Variants in TIAM2 observed in about 807,000 individuals in gnomAD.
TIAM2 encodes the protein TIAM Rac1 associated GEF 2.
A neutral mutation model predicts 152.9 loss-of-function variants in TIAM2; 80 were observed. The ratio of observed to expected loss-of-function variants is 0.52; its 90% CI spans 0.44 to 0.63. The LOEUF (loss-of-function observed/expected upper bound fraction) is 0.63, where lower values mean the gene tolerates loss of function less well. Ranked by LOEUF, TIAM2 falls within the 30% of genes least tolerant of loss-of-function variation. The pLI is 0.00. For missense variants in TIAM2, 1,965 were observed against 2,120.1 expected (o/e 0.93, Z 1.44); for synonymous variants, 804 against 838.0 (o/e 0.96, Z 0.70).
intron 20 of TIAM2, among the ~76,000 whole-genome samples, chr6:155,248,504 G>C (rs3011905): frequency 0.34 from 51,983 of 152,126 alleles, 9,659 homozygotes; most frequent in Middle Eastern, 0.51. Context: ...AAACAGTGCC[G>C]CTGGAACTGA....
chr6:155,244,625 A>G lies in TIAM2; in HGVS notation c.3418-33A>G, dbSNP rs1263034271. The G allele has an allele frequency of 2.5e-6, 4 of 1,608,718 alleles. No individual in the cohort carries two copies. The African/African-American group carries it at 5.4e-5, about 22-fold the overall frequency. ...CGTGGTGTCCTGAACTTCATGGCTA[A>G]TCCCCTCATTTCAAATCCTGATCTT... is the stretch of plus-strand genomic sequence containing the variant. On this transcript the variant is annotated intron_variant, in intron 17 of 26. Coordinates refer to ENST00000682666, the MANE Select transcript of TIAM2 (RefSeq NM_012454.4).
chr6:155,248,095 C>G lies in TIAM2; in HGVS notation c.3748C>G (p.Gln1250Glu). 1.2e-6 allele frequency: 2 copies of G among 1,614,236 alleles called. No homozygotes were observed. The highest frequency in any genetic ancestry group is 8.5e-7 in the Non-Finnish European group (1 of 1,180,050). The change falls in exon 20 of 27, where the codon CAG becomes GAG. Residue 1250 changes from glutamine (Q) to glutamate (E), a missense_variant. Gln to Glu is a conservative substitution (Grantham distance 29, BLOSUM62 2). Coordinates refer to ENST00000682666, the MANE Select transcript of TIAM2 (RefSeq NM_012454.4). The stretch of plus-strand genomic sequence containing the variant: ...GGAGTCCTACCTCATCAAGCCGGTT[C>G]AGAGAGTGCTCAAGTACCCGCTGCT... ...TLESYLIKPVQRVLKYPLLLK... is the reference protein window; with the variant it reads ...TLESYLIKPVERVLKYPLLLK...
In TIAM2 at chr6:155,050,211, T is replaced by C. The variant is rs190695829; in HGVS notation, c.-208-40078T>C. On this transcript the variant is annotated intron_variant, in intron 1 of 26. Transcript: ENST00000682666. Reference sequence around the variant, plus strand: ...CATGCCTGACTAATTTTTGTATTTTTAATAGAGACTGGGTTTCACCATGTT... The same window carrying C: ...CATGCCTGACTAATTTTTGTATTTTCAATAGAGACTGGGTTTCACCATGTT... 2.8e-3 allele frequency among the ~76,000 whole-genome samples: 421 copies of C among 152,340 alleles called. 2 individuals carry two copies. The highest frequency in any genetic ancestry group is 5.1e-3 in the Non-Finnish European group (349 of 68,040).
Position 155,129,756 on chromosome 6 carries a change from A to C in TIAM2, c.533A>C (p.His178Pro), listed in dbSNP as rs1469739970. ...GATGGGTGTTTAAGGGTCGAGTTCC[A>C]CAATGGTGGCAACCCCAGCAAAGTG... Reference protein sequence around the residue: ...KLDGCLRVEFHNGGNPSKVPA... With the variant: ...KLDGCLRVEFPNGGNPSKVPA... Residue 178 changes from histidine to proline, a missense_variant, in exon 4 of 27, where the codon CAC becomes CCC. His to Pro is a moderately conservative substitution (Grantham distance 77). Coordinates refer to ENST00000682666, the MANE Select transcript of TIAM2 (RefSeq NM_012454.4). This position sits in a 1 kb window ranked among gnomAD's most constrained non-coding sequence, Gnocchi z 4.8. 2 of 1,613,802 alleles carry C rather than the reference A, an allele frequency of 1.2e-6. No individual in the cohort carries two copies. The highest frequency in any genetic ancestry group is 1.7e-6 in the Non-Finnish European group (2 of 1,180,038).
chr6:155,173,352 AC>A (rs1479898198), intron 9 of TIAM2, among the ~76,000 whole-genome samples: 6 of 152,018 alleles, frequency 3.9e-5, no homozygotes, highest in African/African-American at 1.4e-4. Context: ...AACAGTGTAG[AC>A]TCAGAAAACC....
chr6:155,240,125 G>T (rs1782958979), intron 15 of TIAM2, among the ~76,000 whole-genome samples: 1 of 152,228 alleles, frequency 6.6e-6, no homozygotes, highest in Non-Finnish European at 1.5e-5. Context: ...AACTGGATTA[G>T]GCCAACCATT....
At chr6:155,188,034 T>A (rs992262044) in intron 14 of TIAM2, among the ~76,000 whole-genome samples, 1 of 152,182 alleles carries the variant, frequency 6.6e-6, no homozygotes, top group African/African-American at 2.4e-5. Flanking sequence ...ACTGAGGCAG[T>A]AGGACTTACT....
intron 21 of TIAM2, 116 bp downstream of exon 21, chr6:155,250,085 TTTC>T: frequency 1.5e-6 from 1 of 686,042 alleles, no homozygotes; most frequent in Non-Finnish European, 2.5e-6. Context: ...GCCTAAGATT[TTTC>T]TTGATAACAA....
chr6:155,130,660 A>G (rs1014721782), intron 4 of TIAM2, among the ~76,000 whole-genome samples: 6 of 152,226 alleles, frequency 3.9e-5, no homozygotes, highest in African/African-American at 1.4e-4. Flanking sequence ...CAGCTTGGGC[A>G]GCAAACAAAA....
At chr6:155,075,349 G>GAAAAAA (rs1196110493) in intron 1 of TIAM2, among the ~76,000 whole-genome samples, 1 of 137,152 alleles carries the variant, frequency 7.3e-6, no homozygotes, top group East Asian at 2.1e-4. Flanking sequence ...ACTTGGGAAT[G>GAAAAAA]AAAAAAAAAA....
chr6:155,250,455 A>T, intron 21 of TIAM2: 1 of 1,143,232 alleles, frequency 8.7e-7, no homozygotes, highest in Non-Finnish European at 1.2e-6. Context: ...AGCATAGTTT[A>T]GGGAGAAAAT....
At chr6:155,021,324 C>T (rs559167844) in intron 1 of TIAM2, among the ~76,000 whole-genome samples, 1 of 152,186 alleles carries the variant, frequency 6.6e-6, no homozygotes, top group Admixed American at 6.5e-5. Context: ...TGCAATGGTA[C>T]GATCTCGGCT....
At chr6:155,096,854 T>C (rs1443009438) in intron 2 of TIAM2, among the ~76,000 whole-genome samples, 1 of 152,242 alleles carries the variant, frequency 6.6e-6, no homozygotes, top group Non-Finnish European at 1.5e-5. Context: ...TTCTTTCTTT[T>C]GGATCTATAC....
intron 2 of TIAM2, among the ~76,000 whole-genome samples, chr6:155,116,419 T>C (rs564103046): frequency 0.012 from 1,225 of 104,068 alleles, 15 homozygotes; most frequent in African/African-American, 0.063. Flanking sequence ...AAAACCCTTG[T>C]TGAAGTAGAA....
rs62651290 is a variant in TIAM2, at chr6:155,028,998, A to G, written c.-209+33506A>G. Among the ~76,000 whole-genome samples, 268 of 101,870 alleles carry G rather than the reference A, an allele frequency of 2.6e-3. 2 individuals are homozygous for G. The highest frequency in any genetic ancestry group is 0.013 in the Middle Eastern group (1 of 78). 66.8% of individuals were successfully genotyped at this position (101,870 alleles called of 152,430 possible). On this transcript the variant is annotated intron_variant, in intron 1 of 26. Coordinates refer to ENST00000682666, the MANE Select transcript of TIAM2 (RefSeq NM_012454.4). The stretch of plus-strand genomic sequence containing the variant: ...ATACTATGTTATATATACACTGTAT[A>G]TACTATATATACTATGTTATATATA...
intron 6 of TIAM2, 57 bp from the exon 7 acceptor site, chr6:155,148,053 G>A: frequency 1.3e-6 from 2 of 1,570,894 alleles, no homozygotes; most frequent in South Asian, 2.2e-5. Flanking sequence ...TGCCATTTTG[G>A]AGAGCACTTT....
chr6:155,196,576 A>T (rs1482173286), intron 14 of TIAM2, among the ~76,000 whole-genome samples: 1 of 152,214 alleles, frequency 6.6e-6, no homozygotes, highest in Admixed American at 6.5e-5. Flanking sequence ...ATTTACAATG[A>T]AAACGTTATC....
At chr6:155,189,530 A>T (rs1041080273) in intron 14 of TIAM2, among the ~76,000 whole-genome samples, 1 of 152,166 alleles carries the variant, frequency 6.6e-6, no homozygotes, top group Non-Finnish European at 1.5e-5. Context: ...AAGATCCTGG[A>T]TACTAATTTC....
intron 1 of TIAM2, among the ~76,000 whole-genome samples, chr6:155,033,743 G>A (rs534521801): frequency 1.3e-5 from 2 of 149,912 alleles, no homozygotes; most frequent in South Asian, 4.2e-4. Flanking sequence ...TTGAGACAGA[G>A]TCTTGCTCTG....
Sources: gnomAD v4.1 joint callset for allele counts (sites outside exome capture counted in the v4.1 genomes callset) on GRCh38, gnomAD v4.1.1 for gene constraint, Gnocchi (gnomAD v3.1) non-coding constraint, MANE v1.5 for transcripts, NCBI Gene and HGNC (gene_info 2026-07-23, HGNC 2026-07-21) for gene names.